Variants in RGMA observed in about 807,000 individuals in gnomAD.
The protein encoded by RGMA is repulsive guidance molecule BMP co-receptor a, also known as repulsive guidance molecule A.
A neutral mutation model predicts 23.2 loss-of-function variants in RGMA; 10 were observed. The observed-to-expected ratio is 0.43, with a 90% CI of 0.27 to 0.73. The LOEUF (loss-of-function observed/expected upper bound fraction) is 0.73. RGMA is among the 30% of genes least tolerant of loss of function. The pLI, the probability that RGMA is intolerant of heterozygous loss-of-function variation, is 0.20. For synonymous variants in RGMA, 308 were observed against 279.3 expected (o/e 1.10, Z -1.03); for missense variants, 547 against 630.5 (o/e 0.87, Z 1.42).
chr15:93,046,793 G>C (rs1485979870), intron 3 of RGMA, among the ~76,000 whole-genome samples: 1 of 151,180 alleles, frequency 6.6e-6, no homozygotes, highest in Non-Finnish European at 1.5e-5. Context: ...GTTCCAGGCT[G>C]AACGGGCAGC....
At chr15:93,077,496 TA>T (rs1287002139) in intron 1 of RGMA, among the ~76,000 whole-genome samples, 1 of 152,200 alleles carries the variant, frequency 6.6e-6, no homozygotes, top group Non-Finnish European at 1.5e-5. Context: ...CCCTTGGGAT[TA>T]AAGTCAAGCC....
chr15:93,074,014 T>C, intron 1 of RGMA: 1 of 1,379,608 alleles, frequency 7.2e-7, no homozygotes, highest in Admixed American at 3.3e-5. Flanking sequence ...TGTCGCTTAT[T>C]TTTCTGGGAA....
chr15:93,081,776 C>T (rs1312323575), intron 1 of RGMA, among the ~76,000 whole-genome samples: 1 of 152,222 alleles, frequency 6.6e-6, no homozygotes, highest in Non-Finnish European at 1.5e-5. Flanking sequence ...AAATTCAAAA[C>T]TGTTTAGAAT....
chr15:93,087,482 A>AAAAAAC (rs1353198546), intron 1 of RGMA, among the ~76,000 whole-genome samples: 1 of 150,912 alleles, frequency 6.6e-6, no homozygotes, highest in African/African-American at 2.4e-5. Flanking sequence ...AAAAAAAAAA[A>AAAAAAC]AACCACAAAA....
intron 2 of RGMA, among the ~76,000 whole-genome samples, chr15:93,055,533 G>C (rs370943567): frequency 2.0e-5 from 3 of 152,316 alleles, no homozygotes; most frequent in African/African-American, 7.2e-5. Flanking sequence ...GCCAGGGCAG[G>C]ACATGAATCC....
rs576196108 is a variant in RGMA at position 93,039,748 on chromosome 15, G to A, written c.*5250C>T. On this transcript the variant is annotated 3_prime_UTR_variant, in exon 4 of 4. Transcript: ENST00000329082. ...ACTCATCCCTTTTTATGGCTGCATA[G>A]TACTCCATGGCGTATATGTGCCACA... is the stretch of plus-strand genomic sequence containing the variant. 6.6e-6 allele frequency: 1 copy of A among 152,178 alleles called. No individual in the cohort carries two copies. The highest frequency in any genetic ancestry group is 1.5e-5 in the Non-Finnish European group (1 of 68,052). 9.4% of individuals were successfully genotyped at this position (152,178 alleles called of 1,614,324 possible). A position where few individuals can be genotyped will look rare whatever the true frequency, so the allele number is the denominator to read the frequency against.
chr15:93,070,900 G>T (rs2141838014), intron 2 of RGMA, among the ~76,000 whole-genome samples: 1 of 152,326 alleles, frequency 6.6e-6, no homozygotes, highest in East Asian at 1.9e-4. Flanking sequence ...GCCTATGGCG[G>T]GATGCTTTAA....
chr15:93,088,270 C>G, intron 1 of RGMA: 1 of 985,452 alleles, frequency 1.0e-6, no homozygotes, highest in Non-Finnish European at 1.2e-6. Flanking sequence ...CCCCCATGCC[C>G]GGGCTTGTAC....
intron 1 of RGMA, among the ~76,000 whole-genome samples, chr15:93,087,911 C>T (rs1194971706): frequency 6.6e-6 from 1 of 152,060 alleles, no homozygotes; most frequent in African/African-American, 2.4e-5. Context: ...CTGTAGCCTC[C>T]TTCCTGGAGG....
In RGMA at chr15:93,043,234, GTACA is replaced by G. The variant is rs2054749083; in HGVS notation, c.*1760_*1763del. 1 of 25,296 alleles carries G rather than the reference GTACA, an allele frequency of 4.0e-5. No homozygotes were observed. The highest frequency in any genetic ancestry group is 1.1e-4 in the African/African-American group (1 of 9,494). The allele number at this position is 25,296 out of a possible 1,614,324, so 1.6% of individuals were successfully genotyped here. On this transcript the variant is annotated 3_prime_UTR_variant, in exon 4 of 4. Coordinates refer to ENST00000329082, the MANE Select transcript of RGMA (RefSeq NM_020211.3). The stretch of plus-strand genomic sequence containing the variant: ...CACACACAGGCATGCGCACACATGC[GTACA>G]TGCACGCACACAGGCACGCACACAC...
At chr15:93,073,809 C>G (rs1424537039) in intron 1 of RGMA, 7 of 1,530,812 alleles carry the variant, frequency 4.6e-6, no homozygotes, top group Non-Finnish European at 6.1e-6. Context: ...CTCGCTGCTT[C>G]CTGAAGACTT....
chr15:93,047,108 C>G (rs527922598), intron 3 of RGMA, among the ~76,000 whole-genome samples: 1 of 152,270 alleles, frequency 6.6e-6, no homozygotes, highest in South Asian at 2.1e-4. Flanking sequence ...GGATTAGACT[C>G]TGCGTTTCCA....
chr15:93,075,728 C>T (rs974679939), intron 1 of RGMA, among the ~76,000 whole-genome samples: 2 of 152,154 alleles, frequency 1.3e-5, no homozygotes, highest in East Asian at 3.8e-4. Context: ...TTCCAGTGTC[C>T]CTGCCGGGAG....
chr15:93,054,827 G>A (rs1223151081), intron 2 of RGMA, among the ~76,000 whole-genome samples: 1 of 152,206 alleles, frequency 6.6e-6, no homozygotes, highest in Non-Finnish European at 1.5e-5. Flanking sequence ...GCAACGAGAA[G>A]ATTCTCTTGC....
At chr15:93,085,255 G>C (rs1895619158) in intron 1 of RGMA, among the ~76,000 whole-genome samples, 3 of 152,184 alleles carry the variant, frequency 2.0e-5, no homozygotes, top group African/African-American at 7.2e-5. Context: ...AGCCACAACA[G>C]ACGGTAACTA....
At chr15:93,054,623 C>A (rs2054983907) in intron 2 of RGMA, among the ~76,000 whole-genome samples, 1 of 152,202 alleles carries the variant, frequency 6.6e-6, no homozygotes, top group Admixed American at 6.5e-5. Context: ...CCATGTGGAA[C>A]TATGAGTCCA....
At chr15:93,066,493 C>G (rs1895157059) in intron 2 of RGMA, 4 of 525,418 alleles carry the variant, frequency 7.6e-6, no homozygotes, top group Non-Finnish European at 1.4e-5. Flanking sequence ...GGTCCCATCC[C>G]AGCAGCGGGG....
chr15:93,049,186 C>T (rs958232729), intron 3 of RGMA, among the ~76,000 whole-genome samples: 5 of 152,204 alleles, frequency 3.3e-5, no homozygotes, highest in African/African-American at 4.8e-5. Context: ...TCCACTGCAC[C>T]GGGCACGAGG....
In RGMA at chr15:93,036,713, C is replaced by A. The variant is rs2054665042; in HGVS notation, c.*8285G>T. 1 of 152,318 alleles carries A rather than the reference C, an allele frequency of 6.6e-6. No individual in the cohort carries two copies. Among genetic ancestry groups the A allele is most frequent in the African/African-American group, 2.4e-5 (1 of 41,440 alleles). The allele number at this position is 152,318 out of a possible 1,614,324, so 9.4% of individuals were successfully genotyped here. ...TGCCTTGAACACAGGCTGCCTGTGC[C>A]CCCTGGAGCGCCCCGCCCCAGCTCG... On this transcript the variant is annotated 3_prime_UTR_variant, in exon 4 of 4. Transcript: ENST00000329082.
Sources: gnomAD v4.1 joint callset for allele counts (sites outside exome capture counted in the v4.1 genomes callset) on GRCh38, gnomAD v4.1.1 for gene constraint, MANE v1.5 for transcripts, NCBI Gene and HGNC (gene_info 2026-07-23, HGNC 2026-07-21) for gene names.